Variants in ABTB3 observed in about 807,000 individuals in gnomAD.
ABTB3 encodes ankyrin repeat- and BTB/POZ domain-containing protein 3.
At chr12:107,592,487 G>A in the ABTB3 span, among the ~76,000 whole-genome samples, 1 of 152,162 alleles carries the variant, frequency 6.6e-6, no homozygotes, top group African/African-American at 2.4e-5. Context: ...AAAACAATCT[G>A]CCTAGAGAGA....
chr12:107,488,135 G>A, the ABTB3 span, among the ~76,000 whole-genome samples: 1 of 152,054 alleles, frequency 6.6e-6, no homozygotes, highest in Non-Finnish European at 1.5e-5. Flanking sequence ...GATTCAGTGG[G>A]TACCGAGCAG....
At chr12:107,526,838 A>C in the ABTB3 span, among the ~76,000 whole-genome samples, 1 of 152,132 alleles carries the variant, frequency 6.6e-6, no homozygotes, top group Non-Finnish European at 1.5e-5. Flanking sequence ...TTTTGCTTGG[A>C]CAAAGTTGTC....
At chr12:107,344,935 C>G in the ABTB3 span, among the ~76,000 whole-genome samples, 1 of 152,154 alleles carries the variant, frequency 6.6e-6, no homozygotes. Flanking sequence ...TAAAAGGGCT[C>G]TAAAAGAAAT....
chr12:107,465,519 G>A, the ABTB3 span, among the ~76,000 whole-genome samples: 1 of 152,150 alleles, frequency 6.6e-6, no homozygotes, highest in Non-Finnish European at 1.5e-5. Flanking sequence ...AGATGCAAAT[G>A]GGCATCTTCA....
chr12:107,492,218 T>C, the ABTB3 span, among the ~76,000 whole-genome samples: 57,726 of 151,886 alleles, frequency 0.38, 13,327 homozygotes, highest in African/African-American at 0.66. Flanking sequence ...TGGAAGGAAT[T>C]CCCGCCCACC....
chr12:107,577,383 A>G, the ABTB3 span, among the ~76,000 whole-genome samples: 1 of 152,164 alleles, frequency 6.6e-6, no homozygotes, highest in East Asian at 1.9e-4. Context: ...CAAAATCCCA[A>G]ACCAGGCCTT....
At chr12:107,448,056 A>C in the ABTB3 span, among the ~76,000 whole-genome samples, 2 of 151,858 alleles carry the variant, frequency 1.3e-5, no homozygotes, top group Non-Finnish European at 2.9e-5. Context: ...ATGTCAGAGC[A>C]ACCTTGTGAA....
chr12:107,513,457 C>A, the ABTB3 span, among the ~76,000 whole-genome samples: 1 of 152,120 alleles, frequency 6.6e-6, no homozygotes, highest in Non-Finnish European at 1.5e-5. Flanking sequence ...TTGTAAATGC[C>A]TGGCATTTCC....
chr12:107,327,308 A>AT, the ABTB3 span, among the ~76,000 whole-genome samples: 1 of 152,142 alleles, frequency 6.6e-6, no homozygotes, highest in Non-Finnish European at 1.5e-5. Flanking sequence ...TCTAAATTTA[A>AT]TGGCAGCTAC....
At chr12:107,569,194 G>A in the ABTB3 span, among the ~76,000 whole-genome samples, 3 of 152,288 alleles carry the variant, frequency 2.0e-5, no homozygotes, top group Admixed American at 2.0e-4. Context: ...GATGGCATGG[G>A]GGAAGCTCTG....
chr12:107,381,447 A>G, the ABTB3 span, among the ~76,000 whole-genome samples: 1 of 152,218 alleles, frequency 6.6e-6, no homozygotes, highest in Non-Finnish European at 1.5e-5. Context: ...GGGCTTCCTA[A>G]TGAAGGGCTG....
chr12:107,374,118 G>A, the ABTB3 span, among the ~76,000 whole-genome samples: 2 of 152,282 alleles, frequency 1.3e-5, no homozygotes, highest in South Asian at 4.2e-4. Context: ...GGGGCTGGGG[G>A]CAGCCGCAGC....
At chr12:107,645,025 TGCAATGGC>T in the ABTB3 span, among the ~76,000 whole-genome samples, 1 of 146,664 alleles carries the variant, frequency 6.8e-6, no homozygotes, top group Admixed American at 7.2e-5. Flanking sequence ...CAGGCTGGAG[TGCAATGGC>T]GCAATCTCGG....
At chr12:107,468,195 A>G in the ABTB3 span, among the ~76,000 whole-genome samples, 6 of 152,106 alleles carry the variant, frequency 3.9e-5, no homozygotes, top group Non-Finnish European at 8.8e-5. Flanking sequence ...TGTTGTATTA[A>G]TCAAGCAAAA....
At chr12:107,342,844 T>A in the ABTB3 span, among the ~76,000 whole-genome samples, 4 of 152,282 alleles carry the variant, frequency 2.6e-5, no homozygotes, top group Middle Eastern at 6.8e-3. Flanking sequence ...CCAAGCATTT[T>A]TTCCTCCTTT....
At chr12:107,525,973 A>G in the ABTB3 span, among the ~76,000 whole-genome samples, 1 of 152,216 alleles carries the variant, frequency 6.6e-6, no homozygotes, top group Non-Finnish European at 1.5e-5. Context: ...CATAATTAAA[A>G]TCATTTTTTT....
the ABTB3 span, among the ~76,000 whole-genome samples, chr12:107,383,514 A>T: frequency 6.6e-6 from 1 of 152,182 alleles, no homozygotes; most frequent in Non-Finnish European, 1.5e-5. Flanking sequence ...CAACTACCTT[A>T]CAGAGTTCTA....
chr12:107,578,435 A>G, the ABTB3 span, among the ~76,000 whole-genome samples: 1 of 115,944 alleles, frequency 8.6e-6, no homozygotes, highest in South Asian at 2.7e-4. Flanking sequence ...GGCATTCACC[A>G]GGCATTGGCC....
At chr12:107,581,173 G>T in the ABTB3 span, 1 of 1,542,456 alleles carries the variant, frequency 6.5e-7, no homozygotes, top group Non-Finnish European at 8.7e-7. Context: ...TGCTGCCGCC[G>T]CTGATGGAGT....
Sources: gnomAD v4.1 joint callset for allele counts (sites outside exome capture counted in the v4.1 genomes callset) on GRCh38, gnomAD v4.1.1 for gene constraint, MANE v1.5 for transcripts, NCBI Gene and HGNC (gene_info 2026-07-23, HGNC 2026-07-21) for gene names.